The following NELL1 variants were observed in gnomAD, a reference collection of about 807,000 sequenced individuals.
The protein encoded by NELL1 is protein kinase C-binding protein NELL1.
NELL1 carries 76 observed loss-of-function variants against 107.4 expected under a neutral mutation model. The ratio of observed to expected loss-of-function variants is 0.71; its 90% CI spans 0.59 to 0.86. The LOEUF is 0.86. Among genes scored for constraint, NELL1 ranks in the 40% least tolerant of loss-of-function variants. The pLI is 0.00. For missense variants in NELL1, 1,024 were observed against 1,005.5 expected (o/e 1.02, Z -0.25); for synonymous variants, 353 against 341.2 (o/e 1.03, Z -0.38).
At chr11:21,099,762 T>C (rs1417025183) in intron 12 of NELL1, among the ~76,000 whole-genome samples, 1 of 152,200 alleles carries the variant, frequency 6.6e-6, no homozygotes, top group Non-Finnish European at 1.5e-5. Flanking sequence ...GCATTTGAAC[T>C]ATTTGTCACA....
chr11:21,236,053 G>T (rs1302750664), intron 14 of NELL1, among the ~76,000 whole-genome samples: 1 of 151,902 alleles, frequency 6.6e-6, no homozygotes, highest in Non-Finnish European at 1.5e-5. Context: ...AACAGACCAG[G>T]CCAGATGGAT....
intron 14 of NELL1, among the ~76,000 whole-genome samples, chr11:21,246,022 TG>T (rs967731853): frequency 6.6e-6 from 1 of 151,968 alleles, no homozygotes; most frequent in Non-Finnish European, 1.5e-5. Context: ...TAATACAAAT[TG>T]TTTTTTTTTG....
At chr11:21,161,716 TCTA>T (rs967187428) in intron 13 of NELL1, among the ~76,000 whole-genome samples, 2 of 152,046 alleles carry the variant, frequency 1.3e-5, no homozygotes, top group African/African-American at 4.8e-5. Context: ...TTTTATTTAA[TCTA>T]CTATATCCTA....
chr11:21,284,821 C>T (rs1443585586), intron 14 of NELL1: 1 of 329,388 alleles, frequency 3.0e-6, no homozygotes, highest in African/African-American at 2.2e-5. Flanking sequence ...TCCTATGCCA[C>T]CCACATTAAT....
rs371806478 is a variant in NELL1, at chr11:21,425,913, C to T, written c.1645+54965C>T. Among the ~76,000 whole-genome samples, 12 of 152,110 alleles carry T rather than the reference C, an allele frequency of 7.9e-5. 1 individual carries two copies. The highest frequency in any genetic ancestry group is 1.4e-4 in the African/African-American group (6 of 41,506). The stretch of plus-strand genomic sequence containing the variant: ...TTAAAAAATTAGAAAAATCAAGAAA[C>T]GAGCAGTATAAGAAAGCTGTTTATA... On this transcript the variant is annotated intron_variant, in intron 15 of 19. Coordinates refer to ENST00000357134, the MANE Select transcript of NELL1 (RefSeq NM_006157.5).
chr11:21,073,757 T>C (rs769362190), intron 12 of NELL1, among the ~76,000 whole-genome samples: 8 of 152,198 alleles, frequency 5.3e-5, no homozygotes, highest in Non-Finnish European at 1.2e-4. Flanking sequence ...TTGAGTTGTT[T>C]CATTATTTTA....
Position 21,020,520 on chromosome 11 carries a change from G to A in NELL1, c.1300+59960G>A, listed in dbSNP as rs148798690. Among the ~76,000 whole-genome samples, 673 of 150,774 alleles carry A rather than the reference G, an allele frequency of 4.5e-3. 3 individuals are homozygous for A. Among genetic ancestry groups the A allele is most frequent in the African/African-American group, 0.015 (598 of 41,176 alleles). Reference sequence around the variant, plus strand: ...TAGTTTTGTTTTTTTTTCTTTTTTTGGAAGGTTAGTTTTTAAAAGATGACA... The same window carrying A: ...TAGTTTTGTTTTTTTTTCTTTTTTTAGAAGGTTAGTTTTTAAAAGATGACA... On this transcript the variant is annotated intron_variant, in intron 12 of 19. Transcript: ENST00000357134.
intron 3 of NELL1, among the ~76,000 whole-genome samples, chr11:20,787,164 C>T (rs1856985378): frequency 6.6e-6 from 1 of 151,600 alleles, no homozygotes; most frequent in Non-Finnish European, 1.5e-5. Flanking sequence ...TCCCCTCTCC[C>T]TCTGGACTTT....
chr11:21,378,211 C>T (rs1207922929), intron 15 of NELL1, among the ~76,000 whole-genome samples: 3 of 150,672 alleles, frequency 2.0e-5, no homozygotes, highest in African/African-American at 4.9e-5. Context: ...ATTAAGAACT[C>T]GTGGTCTAGA....
intron 15 of NELL1, among the ~76,000 whole-genome samples, chr11:21,527,257 T>C (rs1456486870): frequency 2.6e-5 from 4 of 152,168 alleles, no homozygotes; most frequent in African/African-American, 9.7e-5. Context: ...GCCTGGACTT[T>C]ATTGTCCATA....
At chr11:20,869,472 A>G (rs1286574895) in intron 4 of NELL1, among the ~76,000 whole-genome samples, 1 of 152,216 alleles carries the variant, frequency 6.6e-6, no homozygotes, top group Non-Finnish European at 1.5e-5. Flanking sequence ...AGAGGCAGAG[A>G]CAACTGAGCC....
intron 12 of NELL1, among the ~76,000 whole-genome samples, chr11:21,092,845 C>A (rs921579968): frequency 6.6e-6 from 1 of 151,948 alleles, no homozygotes; most frequent in Admixed American, 6.6e-5. Flanking sequence ...GGCTTTGGGA[C>A]CTAGAAGGCC....
At chr11:20,969,856 A>G (rs1021762234) in intron 12 of NELL1, among the ~76,000 whole-genome samples, 12 of 152,162 alleles carry the variant, frequency 7.9e-5, no homozygotes, top group African/African-American at 2.9e-4. Context: ...TGGAAGCTAA[A>G]TAAGATATTG....
chr11:21,569,399 T>A (rs1164518074), intron 17 of NELL1, among the ~76,000 whole-genome samples: 1 of 151,926 alleles, frequency 6.6e-6, no homozygotes, highest in African/African-American at 2.4e-5. Flanking sequence ...TGATCATGCA[T>A]GTAAATGCCT....
At chr11:20,786,436 G>A (rs1311773024) in intron 3 of NELL1, among the ~76,000 whole-genome samples, 1 of 151,904 alleles carries the variant, frequency 6.6e-6, no homozygotes, top group East Asian at 1.9e-4. Context: ...GTGAGGCATA[G>A]AGGTCTCTTA....
intron 15 of NELL1, among the ~76,000 whole-genome samples, chr11:21,375,228 C>A (rs1265142642): frequency 6.6e-6 from 1 of 151,930 alleles, no homozygotes; most frequent in Non-Finnish European, 1.5e-5. Flanking sequence ...TAGTCGTTCC[C>A]AGTTTCTATC....
At chr11:21,020,671 C>T (rs1259818358) in intron 12 of NELL1, among the ~76,000 whole-genome samples, 1 of 151,620 alleles carries the variant, frequency 6.6e-6, no homozygotes, top group African/African-American at 2.4e-5. Flanking sequence ...CTTTGTATTC[C>T]TCTCCCTCAT....
At chr11:21,287,199 T>A (rs1429184141) in intron 14 of NELL1, among the ~76,000 whole-genome samples, 3 of 152,214 alleles carry the variant, frequency 2.0e-5, no homozygotes, top group African/African-American at 4.8e-5. Flanking sequence ...TTATTCTAGC[T>A]CCTTTTTATT....
intron 2 of NELL1, among the ~76,000 whole-genome samples, chr11:20,726,391 T>A (rs1353378403): frequency 6.6e-6 from 1 of 152,204 alleles, no homozygotes; most frequent in African/African-American, 2.4e-5. Flanking sequence ...AACTGTATAG[T>A]CAGTCTCTGG....
Sources: allele counts gnomAD v4.1 joint callset (sites outside exome capture counted in the v4.1 genomes callset), GRCh38; gene constraint gnomAD v4.1.1; transcripts MANE v1.5; gene names NCBI Gene and HGNC (gene_info 2026-07-23, HGNC 2026-07-21).